The following MED13L variants were observed in gnomAD, a reference collection of about 807,000 sequenced individuals.
MED13L encodes mediator of RNA polymerase II transcription subunit 13-like.
Under a neutral mutation model 220.9 loss-of-function variants are expected in MED13L, and 7 were observed. The observed-to-expected ratio is 0.03, with a 90% confidence interval of 0.02 to 0.06. The LOEUF is 0.06. Ranked by LOEUF, MED13L falls within the 10% of genes least tolerant of loss-of-function variation. The pLI is 1.00. For missense variants in MED13L, 1,965 were observed against 2,760.5 expected, an observed-to-expected ratio of 0.71 and a Z score of 6.46; for synonymous variants, 1,011 against 1,015.2, an observed-to-expected ratio of 1.00 and a Z score of 0.08.
chr12:116,127,510 A>C (rs1875698050), intron 2 of MED13L, among the ~76,000 whole-genome samples: 1 of 152,198 alleles, frequency 6.6e-6, no homozygotes, highest in Non-Finnish European at 1.5e-5. Flanking sequence ...TTAAACAGTT[A>C]CTACTCTAAC....
intron 2 of MED13L, among the ~76,000 whole-genome samples, chr12:116,171,371 T>G (rs892173589): frequency 5.3e-5 from 8 of 152,222 alleles, no homozygotes; most frequent in Admixed American, 3.3e-4. Flanking sequence ...CAGCTCAAAA[T>G]CTTTATATGG....
intron 4 of MED13L, 85 bp downstream of exon 4, chr12:116,096,584 A>G: frequency 2.1e-6 from 2 of 974,552 alleles, no homozygotes; most frequent in Non-Finnish European, 3.3e-6. Context: ...TACTAACATT[A>G]TTAGGAAATA....
At position 115,972,151 on chromosome 12, in the gene MED13L, G is replaced by T. The variant is rs781200403; in HGVS notation, c.5817C>A (p.Ala1939=). The T allele has an allele frequency of 6.2e-7, 1 of 1,613,952 alleles. No individual in the cohort carries two copies. Among genetic ancestry groups the T allele is most frequent in the Admixed American group, 1.7e-5 (1 of 60,004 alleles). ...CACTAAGGATAGAAGGAGAGTCTGC[G>T]GCAGAGATTCCACACATCCGGCACA... The part of the protein sequence containing the change: ...KDVCRMCGIS[A]ADSPSILSAC... The change falls in exon 26 of 31, where the codon GCC becomes GCA. Residue 1939 remains alanine (A), a synonymous_variant. Coordinates refer to ENST00000281928, the MANE Select transcript of MED13L (RefSeq NM_015335.5).
rs1235720433 is a variant in MED13L, at chr12:115,960,959, T to C, written c.*307A>G. Reference sequence around the variant, plus strand: ...GCAAAAGGACACTGTCTCTTCTGTTTCCCGCTGAAAAGCCATCAACCACCA... The same window carrying C: ...GCAAAAGGACACTGTCTCTTCTGTTCCCCGCTGAAAAGCCATCAACCACCA... On this transcript the variant is annotated 3_prime_UTR_variant, in exon 31 of 31. Coordinates refer to ENST00000281928, the MANE Select transcript of MED13L (RefSeq NM_015335.5). 2.4e-6 allele frequency: 1 copy of C among 413,658 alleles called. No individual in the cohort carries two copies. Among genetic ancestry groups the C allele is most frequent in the African/African-American group, 2.0e-5 (1 of 48,972 alleles). 25.6% of individuals were successfully genotyped at this position (413,658 alleles called of 1,614,324 possible).
chr12:116,099,538 TC>T (rs1204730504), intron 3 of MED13L, among the ~76,000 whole-genome samples: 1 of 152,214 alleles, frequency 6.6e-6, no homozygotes, highest in African/African-American at 2.4e-5. Flanking sequence ...AACCATTTAT[TC>T]AGTAACAAAT....
At chr12:115,995,884 T>C (rs947012024) in intron 16 of MED13L, among the ~76,000 whole-genome samples, 2 of 152,214 alleles carry the variant, frequency 1.3e-5, no homozygotes, top group Admixed American at 1.3e-4. Context: ...GTTCTCAAAG[T>C]ACAGCATGTC....
intron 17 of MED13L, 85 bp downstream of exon 17, chr12:115,990,935 T>A: frequency 7.0e-7 from 1 of 1,437,328 alleles, no homozygotes; most frequent in Non-Finnish European, 9.6e-7. Context: ...ATTAAAATTT[T>A]TTGTCAAATA....
At chr12:116,140,052 A>T (rs906741488) in intron 2 of MED13L, among the ~76,000 whole-genome samples, 10 of 151,894 alleles carry the variant, frequency 6.6e-5, no homozygotes, top group Non-Finnish European at 1.5e-4. Context: ...CAGGACCTTT[A>T]AAACTATTTT....
chr12:116,068,706 T>A (rs558039560), intron 4 of MED13L, among the ~76,000 whole-genome samples: 13 of 152,340 alleles, frequency 8.5e-5, no homozygotes, highest in African/African-American at 3.1e-4. Flanking sequence ...AATGTCAGTG[T>A]TTTAAATTTG....
At chr12:116,256,338 A>G (rs1230192616) in intron 1 of MED13L, among the ~76,000 whole-genome samples, 1 of 151,942 alleles carries the variant, frequency 6.6e-6, no homozygotes, top group Non-Finnish European at 1.5e-5. Context: ...AACCAGAAAT[A>G]AGGATTACAT....
Position 116,103,030 on chromosome 12 carries a change from A to G in MED13L, c.396-6278T>C, listed in dbSNP as rs530141805. On this transcript the variant is annotated intron_variant, in intron 3 of 30. Coordinates refer to ENST00000281928, the MANE Select transcript of MED13L (RefSeq NM_015335.5). ...CGCACCAGGCGATCCCTATATTTTC[A>G]TTACTTTAGGCTACTACTGTGCCCT... 5.3e-4 allele frequency among the ~76,000 whole-genome samples: 81 copies of G among 151,628 alleles called. 1 individual carries two copies. Among genetic ancestry groups the G allele is most frequent in the Admixed American group, 1.1e-3 (16 of 15,222 alleles).
intron 4 of MED13L, among the ~76,000 whole-genome samples, chr12:116,031,720 GAAAAGAAAAGAAAAGAAAA>G (rs1880796091): frequency 4.8e-5 from 3 of 62,194 alleles, no homozygotes; most frequent in Admixed American, 2.3e-4. Context: ...GAAAAGAAAA[GAAAAGAAAAGAAAAGAAAA>G]GAAAAGAAAA....
chr12:116,234,320 C>T (rs750563715), intron 2 of MED13L, among the ~76,000 whole-genome samples: 7 of 151,886 alleles, frequency 4.6e-5, no homozygotes, highest in South Asian at 2.1e-4. Context: ...CTCTGCCTCC[C>T]GGTTTCCAGC....
intron 2 of MED13L, among the ~76,000 whole-genome samples, chr12:116,130,421 A>T (rs1177566722): frequency 5.9e-5 from 9 of 152,244 alleles, no homozygotes; most frequent in Non-Finnish European, 1.5e-5. Context: ...CAAGAAAAAT[A>T]AGCATCTCTG....
chr12:116,149,957 CCT>C (rs1877907554), intron 2 of MED13L, among the ~76,000 whole-genome samples: 1 of 152,032 alleles, frequency 6.6e-6, no homozygotes, highest in Admixed American at 6.6e-5. Flanking sequence ...TTCACTTTGC[CCT>C]CTGATAGTTA....
intron 1 of MED13L, among the ~76,000 whole-genome samples, chr12:116,263,778 A>ATGT (rs1196821182): frequency 6.6e-6 from 1 of 152,138 alleles, no homozygotes; most frequent in Non-Finnish European, 1.5e-5. Flanking sequence ...GAGAAGACAC[A>ATGT]ACACAGAATT....
chr12:116,020,042 A>G, intron 5 of MED13L, 70 bp from the exon 6 acceptor site: 2 of 1,361,396 alleles, frequency 1.5e-6, no homozygotes, highest in South Asian at 1.2e-5. Flanking sequence ...AACACTACAT[A>G]TGTGGTAATT....
chr12:116,125,572 A>T (rs948083843), intron 2 of MED13L, among the ~76,000 whole-genome samples: 3 of 152,174 alleles, frequency 2.0e-5, no homozygotes, highest in Non-Finnish European at 4.4e-5. Flanking sequence ...ACAAGCTTAA[A>T]ATTTTCATCA....
At chr12:116,063,055 A>C (rs1172278765) in intron 4 of MED13L, among the ~76,000 whole-genome samples, 2 of 152,154 alleles carry the variant, frequency 1.3e-5, no homozygotes, top group Non-Finnish European at 2.9e-5. Flanking sequence ...AGCCCAAAAC[A>C]ATCTTACTCT....
Sources: allele counts gnomAD v4.1 joint callset (sites outside exome capture counted in the v4.1 genomes callset), GRCh38; gene constraint gnomAD v4.1.1; transcripts MANE v1.5; gene names NCBI Gene and HGNC (gene_info 2026-07-23, HGNC 2026-07-21).